Variants in LRRTM4 observed in about 807,000 individuals in gnomAD.
LRRTM4 encodes leucine rich repeat transmembrane neuronal 4.
Under a neutral mutation model 47.6 loss-of-function variants are expected in LRRTM4, and 25 were observed. The ratio of observed to expected loss-of-function variants is 0.53; its 90% CI spans 0.38 to 0.73. LRRTM4 has a LOEUF of 0.73. Ranked by LOEUF, LRRTM4 falls within the 30% of genes least tolerant of loss-of-function variation. The probability of loss-of-function intolerance (pLI) is 0.00; values close to 1 mark genes in which losing one functional copy is unlikely to be tolerated. For missense variants in LRRTM4, 638 were observed against 713.4 expected (o/e 0.89, Z 1.20); for synonymous variants, 311 against 269.5 (o/e 1.15, Z -1.51).
At chr2:76,843,358 T>A (rs1158823556) in intron 3 of LRRTM4, among the ~76,000 whole-genome samples, 4 of 152,060 alleles carry the variant, frequency 2.6e-5, no homozygotes, top group Non-Finnish European at 5.9e-5. Context: ...TACCCTTTTT[T>A]AAAAAAAACT....
intron 3 of LRRTM4, among the ~76,000 whole-genome samples, chr2:77,388,563 C>T (rs1269580971): frequency 6.6e-6 from 1 of 151,314 alleles, no homozygotes; most frequent in Non-Finnish European, 1.5e-5. Context: ...ATTTTTTTTC[C>T]TTTAGGATAG....
chr2:76,808,180 C>T (rs1290222329), intron 3 of LRRTM4, among the ~76,000 whole-genome samples: 1 of 151,640 alleles, frequency 6.6e-6, no homozygotes, highest in Non-Finnish European at 1.5e-5. Flanking sequence ...GCCACGACGC[C>T]AGGCTAATTT....
At chr2:76,913,137 T>G (rs1336723818) in intron 3 of LRRTM4, among the ~76,000 whole-genome samples, 3 of 152,202 alleles carry the variant, frequency 2.0e-5, no homozygotes, top group African/African-American at 7.2e-5. Flanking sequence ...TGAATATATC[T>G]TTACATCTGT....
intron 3 of LRRTM4, among the ~76,000 whole-genome samples, chr2:76,944,218 C>T (rs559928116): frequency 2.2e-4 from 34 of 152,182 alleles, no homozygotes; most frequent in African/African-American, 6.5e-4. Context: ...TGTCACTACT[C>T]CTGGAATCAT....
chr2:77,436,236 T>C (rs1264004474), intron 3 of LRRTM4, among the ~76,000 whole-genome samples: 1 of 152,124 alleles, frequency 6.6e-6, no homozygotes, highest in South Asian at 2.1e-4. Context: ...CTATACACAT[T>C]TGAATAAAGT....
intron 3 of LRRTM4, among the ~76,000 whole-genome samples, chr2:77,371,669 C>G (rs1273928202): frequency 2.0e-5 from 3 of 151,702 alleles, no homozygotes; most frequent in Non-Finnish European, 4.4e-5. Flanking sequence ...CCTTTCTGCT[C>G]TAAGTCCTGA....
At chr2:77,369,758 C>T (rs1418207417) in intron 3 of LRRTM4, among the ~76,000 whole-genome samples, 1 of 151,690 alleles carries the variant, frequency 6.6e-6, no homozygotes, top group Non-Finnish European at 1.5e-5. Flanking sequence ...TATGGTATAC[C>T]TATTACTCCT....
chr2:77,477,903 AAAAGAAAGAAAGAAAGAAAG>A (rs70956633), intron 3 of LRRTM4, among the ~76,000 whole-genome samples: 8,957 of 109,782 alleles, frequency 0.082, 452 homozygotes, highest in Non-Finnish European at 0.09. Flanking sequence ...AAAAGAAAGA[AAAAGAAAGAAAGAAAGAAAG>A]AAAGAAAGAA....
At chr2:77,098,088 A>T (rs1670859342) in intron 3 of LRRTM4, among the ~76,000 whole-genome samples, 1 of 152,064 alleles carries the variant, frequency 6.6e-6, no homozygotes, top group Non-Finnish European at 1.5e-5. Flanking sequence ...TTACATAAAA[A>T]TGAAACTTAT....
At chr2:76,852,549 G>A (rs769218728) in intron 3 of LRRTM4, among the ~76,000 whole-genome samples, 107 of 151,998 alleles carry the variant, frequency 7.0e-4, no homozygotes, top group Middle Eastern at 3.4e-3. Flanking sequence ...ATTATCTTAT[G>A]TTATTATTTA....
intron 3 of LRRTM4, among the ~76,000 whole-genome samples, chr2:76,781,128 A>G (rs574108235): frequency 1.4e-3 from 209 of 152,162 alleles, no homozygotes; most frequent in African/African-American, 4.1e-3. Context: ...CTCCAGCTGC[A>G]TGCTGGGAGA....
chr2:77,477,943 GAAAGAAAGAAAGAAAGAAA>G (rs1558762015), intron 3 of LRRTM4, among the ~76,000 whole-genome samples: 1 of 138,068 alleles, frequency 7.2e-6, no homozygotes, highest in Admixed American at 7.2e-5. Flanking sequence ...AAGAAAGAAA[GAAAGAAAGAAAGAAAGAAA>G]GAAAGAAAAA....
At position 77,521,921 on chromosome 2, in the gene LRRTM4, G is replaced by A. The variant is rs1048984833; in HGVS notation, c.-147-103C>T. On this transcript the variant is annotated intron_variant, in intron 1 of 3. Transcript: ENST00000409884. ...CAGCACAGGGTGGGATGGTTGTGGG[G>A]GCAGGGAAAAGGAAGCCGTTGGGGG... The A allele has an allele frequency of 5.7e-6, 3 of 524,550 alleles. No homozygotes were observed. The East Asian group carries it at 9.5e-5, about 17-fold the overall frequency. 32.5% of individuals were successfully genotyped at this position (524,550 alleles called of 1,614,324 possible).
At chr2:77,280,669 C>A (rs181274709) in intron 3 of LRRTM4, among the ~76,000 whole-genome samples, 2 of 152,048 alleles carry the variant, frequency 1.3e-5, no homozygotes, top group East Asian at 1.9e-4. Flanking sequence ...TATTTAACCT[C>A]ATTTTGCCTC....
intron 3 of LRRTM4, among the ~76,000 whole-genome samples, chr2:76,907,014 C>G (rs1673865447): frequency 6.6e-6 from 1 of 152,166 alleles, no homozygotes; most frequent in African/African-American, 2.4e-5. Context: ...CTACAGAACT[C>G]TCCACCCCAA....
intron 3 of LRRTM4, among the ~76,000 whole-genome samples, chr2:77,374,854 C>T (rs1489654835): frequency 6.6e-6 from 1 of 151,618 alleles, no homozygotes; most frequent in Non-Finnish European, 1.5e-5. Context: ...TCTCTCATCT[C>T]TTTTTGTGAA....
intron 3 of LRRTM4, among the ~76,000 whole-genome samples, chr2:77,172,789 T>C (rs901498329): frequency 1.3e-5 from 2 of 152,150 alleles, no homozygotes; most frequent in African/African-American, 4.8e-5. Context: ...TAATCTACCT[T>C]AGTCATAATC....
At chr2:76,885,707 C>T (rs1424919368) in intron 3 of LRRTM4, among the ~76,000 whole-genome samples, 1 of 151,936 alleles carries the variant, frequency 6.6e-6, no homozygotes, top group Non-Finnish European at 1.5e-5. Context: ...CGTCGTGATC[C>T]GCCCGCCTCG....
chr2:77,411,315 C>T (rs1674411791), intron 3 of LRRTM4, among the ~76,000 whole-genome samples: 1 of 152,136 alleles, frequency 6.6e-6, no homozygotes, highest in Non-Finnish European at 1.5e-5. Context: ...CTCTTTCTTA[C>T]ATCTTGCCCC....
Sources: gnomAD v4.1 joint callset for allele counts (sites outside exome capture counted in the v4.1 genomes callset) on GRCh38, gnomAD v4.1.1 for gene constraint, MANE v1.5 for transcripts, NCBI Gene and HGNC (gene_info 2026-07-23, HGNC 2026-07-21) for gene names.